Variants in DAB1 observed in about 807,000 individuals in gnomAD.
DAB1 encodes disabled homolog 1.
A neutral mutation model predicts 64.6 loss-of-function variants in DAB1; 15 were observed. The observed-to-expected ratio is 0.23, with a 90% CI of 0.16 to 0.36. The LOEUF is 0.36. Ranked by LOEUF, DAB1 falls within the 10% of genes least tolerant of loss-of-function variation. The pLI, the probability that DAB1 is intolerant of heterozygous loss-of-function variation, is 1.00. For synonymous variants in DAB1, 235 were observed against 251.9 expected, an observed-to-expected ratio of 0.93 and a Z score of 0.64; for missense variants, 596 against 706.7, an observed-to-expected ratio of 0.84 and a Z score of 1.78.
chr1:57,018,652 T>C (rs1646510762), intron 11 of DAB1, among the ~76,000 whole-genome samples: 1 of 152,064 alleles, frequency 6.6e-6, no homozygotes, highest in Admixed American at 6.5e-5. Flanking sequence ...GGTGAATGAG[T>C]GGATGTTTTC....
At chr1:57,934,203 C>G (rs552547673) in intron 5 of DAB1, among the ~76,000 whole-genome samples, 1 of 151,898 alleles carries the variant, frequency 6.6e-6, no homozygotes, top group Admixed American at 6.6e-5. Flanking sequence ...GGATTACAGG[C>G]GTGAGCCACT....
intron 9 of DAB1, among the ~76,000 whole-genome samples, chr1:57,061,822 C>A (rs781740493): frequency 6.6e-6 from 1 of 152,104 alleles, no homozygotes; most frequent in Non-Finnish European, 1.5e-5. Flanking sequence ...AGTGTGGGGT[C>A]CAGAACAGAC....
intron 5 of DAB1, among the ~76,000 whole-genome samples, chr1:58,027,884 A>C (rs1646917029): frequency 6.6e-6 from 1 of 152,328 alleles, no homozygotes; most frequent in African/African-American, 2.4e-5. Context: ...AGAAAGAATT[A>C]AGCATTTAAT....
At chr1:58,228,366 TG>T (rs869217910) in intron 4 of DAB1, among the ~76,000 whole-genome samples, 4 of 152,274 alleles carry the variant, frequency 2.6e-5, no homozygotes, top group African/African-American at 7.2e-5. Context: ...AATTGCTTTT[TG>T]GGGGGGTAAG....
chr1:58,259,783 G>A (rs1188488722), intron 4 of DAB1, among the ~76,000 whole-genome samples: 1 of 152,182 alleles, frequency 6.6e-6, no homozygotes, highest in Non-Finnish European at 1.5e-5. Context: ...TTCAAACCAT[G>A]AAAAGCAGGC....
intron 7 of DAB1, among the ~76,000 whole-genome samples, chr1:57,467,851 G>C (rs991843091): frequency 6.6e-6 from 1 of 152,170 alleles, no homozygotes; most frequent in Non-Finnish European, 1.5e-5. Context: ...ACTTGAGCTG[G>C]TATTAAAAGA....
intron 5 of DAB1, among the ~76,000 whole-genome samples, chr1:58,094,438 G>T (rs4912301): frequency 0.1 from 15,576 of 152,218 alleles, 986 homozygotes; most frequent in Middle Eastern, 0.17. Flanking sequence ...TTTGCTTTTA[G>T]GAAGCAGAAC....
intron 6 of DAB1, among the ~76,000 whole-genome samples, chr1:57,699,976 A>G (rs185159248): frequency 6.6e-6 from 1 of 152,266 alleles, no homozygotes; most frequent in East Asian, 1.9e-4. Context: ...TTTAAATAGT[A>G]TGATTATCCC....
At chr1:57,108,928 G>A (rs1655408876) in intron 4 of DAB1, among the ~76,000 whole-genome samples, 1 of 152,220 alleles carries the variant, frequency 6.6e-6, no homozygotes. Flanking sequence ...ATGCCAGGTT[G>A]CACCAAGGCT....
At chr1:58,075,094 T>C (rs897769061) in intron 5 of DAB1, among the ~76,000 whole-genome samples, 3 of 152,296 alleles carry the variant, frequency 2.0e-5, no homozygotes, top group African/African-American at 7.2e-5. Flanking sequence ...TTGTTCCTTC[T>C]CTGGATTCTA....
intron 6 of DAB1, among the ~76,000 whole-genome samples, chr1:57,808,642 GAA>G (rs1170979548): frequency 6.6e-6 from 1 of 152,036 alleles, no homozygotes; most frequent in Non-Finnish European, 1.5e-5. Flanking sequence ...ACAACTTTAG[GAA>G]TACTCTTATT....
chr1:58,312,886 G>T (rs1478566121), intron 4 of DAB1, among the ~76,000 whole-genome samples: 2 of 152,066 alleles, frequency 1.3e-5, no homozygotes, highest in African/African-American at 2.4e-5. Context: ...GCATTATTAT[G>T]AAGATTAAAA....
At chr1:57,670,393 GA>G (rs1317385512) in intron 6 of DAB1, among the ~76,000 whole-genome samples, 2 of 152,030 alleles carry the variant, frequency 1.3e-5, no homozygotes, top group Non-Finnish European at 2.9e-5. Flanking sequence ...TCTCAGCCCT[GA>G]TCAATTACCC....
At chr1:57,866,279 A>C (rs1408581211) in intron 1 of DAB1, 1 of 152,312 alleles carries the variant, frequency 6.6e-6, no homozygotes, top group Non-Finnish European at 1.5e-5. Context: ...CACTGTTGTT[A>C]CTGTTACCGC....
intron 6 of DAB1, among the ~76,000 whole-genome samples, chr1:57,757,389 T>C (rs536554645): frequency 6.6e-6 from 1 of 151,916 alleles, no homozygotes; most frequent in Non-Finnish European, 1.5e-5. Context: ...TGCTGTCTTA[T>C]AGTTTGGGAG....
chr1:57,477,727 C>A lies in DAB1; in HGVS notation n.625+171865G>T, dbSNP rs181943813. The stretch of plus-strand genomic sequence containing the variant: ...ATGTGACTGGTTTTAAGGGTTGGGG[C>A]GATCACTCTGGTGGTGATGTGTAGG... On this transcript the variant is annotated intron_variant and non_coding_transcript_variant, in intron 7 of 20. Transcript: ENST00000485760. Among the ~76,000 whole-genome samples the A allele has an allele frequency of 5.3e-5, 8 of 152,170 alleles. No individual in the cohort carries two copies. In the East Asian group the frequency reaches 1.5e-3, roughly 29 times the overall value.
At chr1:57,104,734 C>G (rs1654984227) in intron 4 of DAB1, among the ~76,000 whole-genome samples, 1 of 151,892 alleles carries the variant, frequency 6.6e-6, no homozygotes, top group African/African-American at 2.4e-5. Context: ...TAGGAAATGA[C>G]AGGAGGAGAG....
At chr1:58,324,194 A>C (rs754480356) in intron 4 of DAB1, among the ~76,000 whole-genome samples, 1 of 152,154 alleles carries the variant, frequency 6.6e-6, no homozygotes, top group Non-Finnish European at 1.5e-5. Context: ...TAATTGTATT[A>C]TAATAGCCTC....
In DAB1 at chr1:57,100,997, C is replaced by T. The variant is rs572101711; in HGVS notation, c.307-28583G>A. Reference sequence around the variant, plus strand: ...CATGAGGCAGATACTATGAGTGGTGCCATTTCCAGAGATGGGCACTGTGAA... The same window carrying T: ...CATGAGGCAGATACTATGAGTGGTGTCATTTCCAGAGATGGGCACTGTGAA... On this transcript the variant is annotated intron_variant, in intron 4 of 14. Transcript: ENST00000371236. Among the ~76,000 whole-genome samples the T allele has an allele frequency of 3.2e-4, 49 of 152,274 alleles. No homozygotes were observed. The East Asian group carries it at 4.2e-3, about 13-fold the overall frequency.
Sources: allele counts gnomAD v4.1 joint callset (sites outside exome capture counted in the v4.1 genomes callset), GRCh38; gene constraint gnomAD v4.1.1; transcripts MANE v1.5; gene names NCBI Gene and HGNC (gene_info 2026-07-23, HGNC 2026-07-21).